Variants in SGMS1 observed in about 807,000 individuals in gnomAD.
The protein encoded by SGMS1 is phosphatidylcholine:ceramide cholinephosphotransferase 1.
A neutral mutation model predicts 46.2 loss-of-function variants in SGMS1; 13 were observed. The ratio of observed to expected loss-of-function variants is 0.28; its 90% CI spans 0.18 to 0.45. SGMS1 has a LOEUF of 0.45. Among genes scored for constraint, SGMS1 ranks in the 20% least tolerant of loss-of-function variants. SGMS1 has a pLI of 1.00. For missense variants in SGMS1, 324 were observed against 519.9 expected (o/e 0.62, Z 3.66); for synonymous variants, 203 against 187.8 (o/e 1.08, Z -0.66).
chr10:50,591,755 C>G (rs1436968937), intron 1 of SGMS1, among the ~76,000 whole-genome samples: 1 of 152,174 alleles, frequency 6.6e-6, no homozygotes, highest in Non-Finnish European at 1.5e-5. Context: ...GCAAAATACA[C>G]TAGAATATAA....
Position 50,311,398 on chromosome 10 carries a change from T to G in SGMS1, c.759A>C (p.Glu253Asp), listed in dbSNP as rs765032191. 76 of 1,613,486 alleles carry G rather than the reference T, an allele frequency of 4.7e-5. No homozygotes were observed. The highest frequency in any genetic ancestry group is 6.4e-5 in the Non-Finnish European group (75 of 1,179,814). The change falls in exon 9 of 11, where the codon GAA becomes GAC. Residue 253 changes from glutamate to aspartate, a missense_variant. Around this residue, in one of 2 missense-constraint regions of SGMS1, gnomAD observed 174 missense variants for 350.1 expected, o/e 0.50. Coordinates refer to ENST00000361781, the MANE Select transcript of SGMS1 (RefSeq NM_147156.4). ...GCTTCATTATTCTTCGCAGTTGGGCTTCCCAGTCTCCGAAAAGCTGGCAGA... is the reference window on the plus strand; with the variant it reads ...GCTTCATTATTCTTCGCAGTTGGGCGTCCCAGTCTCCGAAAAGCTGGCAGA... ...NCSPKLFGDWEAQLRRIMKLI... is the reference protein window; with the variant it reads ...NCSPKLFGDWDAQLRRIMKLI...
At chr10:50,487,985 TTTTATTTA>T (rs3054268) in intron 3 of SGMS1, among the ~76,000 whole-genome samples, 23,445 of 138,848 alleles carry the variant, frequency 0.17, 2,257 homozygotes, top group Non-Finnish European at 0.22. Context: ...TTTGTTTTTA[TTTTATTTA>T]TTTATTTATT....
intron 2 of SGMS1, among the ~76,000 whole-genome samples, chr10:50,564,035 TAAC>T (rs1348422634): frequency 6.6e-6 from 1 of 152,294 alleles, no homozygotes; most frequent in South Asian, 2.1e-4. Context: ...GCCTCCCCTC[TAAC>T]CTGATGTTAA....
At chr10:50,433,255 C>T (rs1371757642) in intron 6 of SGMS1, among the ~76,000 whole-genome samples, 1 of 152,216 alleles carries the variant, frequency 6.6e-6, no homozygotes, top group African/African-American at 2.4e-5. Context: ...CAAATTGACA[C>T]ACTCAACTTA....
At chr10:50,553,563 C>T (rs1033054598) in intron 2 of SGMS1, among the ~76,000 whole-genome samples, 44 of 152,130 alleles carry the variant, frequency 2.9e-4, no homozygotes, top group African/African-American at 1.0e-3. Flanking sequence ...TTCAGTTTGA[C>T]AAATTATAAA....
At chr10:50,363,210 C>T (rs995661037) in intron 6 of SGMS1, among the ~76,000 whole-genome samples, 2 of 151,848 alleles carry the variant, frequency 1.3e-5, no homozygotes, top group Admixed American at 6.6e-5. Context: ...TCAAAACAGT[C>T]GAAGAGAACA....
intron 3 of SGMS1, among the ~76,000 whole-genome samples, chr10:50,480,680 C>A (rs1837468472): frequency 6.6e-6 from 1 of 152,160 alleles, no homozygotes; most frequent in Non-Finnish European, 1.5e-5. Flanking sequence ...CCTTGAGTCC[C>A]AAACACAGAG....
Position 50,445,662 on chromosome 10 carries a change from T to G in SGMS1, c.-312-12106A>C, listed in dbSNP as rs187836921. ...TCTTAATCCCGTCATCTTCGTAAAC[T>G]GAGGATGAATGTCACCTCAGGACCC... is the stretch of plus-strand genomic sequence containing the variant. On this transcript the variant is annotated intron_variant, in intron 5 of 10. Coordinates refer to ENST00000361781, the MANE Select transcript of SGMS1 (RefSeq NM_147156.4). Among the ~76,000 whole-genome samples the G allele has an allele frequency of 4.6e-5, 7 of 152,316 alleles. No individual in the cohort carries two copies. In the East Asian group the frequency reaches 7.7e-4, roughly 17 times the overall value.
intron 2 of SGMS1, among the ~76,000 whole-genome samples, chr10:50,565,294 AT>A (rs1162334714): frequency 7.2e-5 from 11 of 152,168 alleles, no homozygotes; most frequent in African/African-American, 2.4e-4. Flanking sequence ...AAAATAAAAA[AT>A]ATATATTTTT....
intron 6 of SGMS1, among the ~76,000 whole-genome samples, chr10:50,376,647 T>C (rs1848526184): frequency 6.6e-6 from 1 of 152,190 alleles, no homozygotes; most frequent in Admixed American, 6.5e-5. Context: ...GTGTTCTCAT[T>C]GTTCAATTCC....
At chr10:50,403,632 C>A (rs1469775368) in intron 6 of SGMS1, among the ~76,000 whole-genome samples, 1 of 151,816 alleles carries the variant, frequency 6.6e-6, no homozygotes, top group Non-Finnish European at 1.5e-5. Context: ...ATGATCTCAT[C>A]ATGTGGCTAA....
At chr10:50,526,038 C>T (rs2133795924) in intron 2 of SGMS1, among the ~76,000 whole-genome samples, 1 of 152,230 alleles carries the variant, frequency 6.6e-6, no homozygotes, top group Non-Finnish European at 1.5e-5. Flanking sequence ...AAAAGTCACT[C>T]AGGGAGGCCT....
chr10:50,381,075 T>C (rs1848597032), intron 6 of SGMS1, among the ~76,000 whole-genome samples: 1 of 151,724 alleles, frequency 6.6e-6, no homozygotes, highest in East Asian at 1.9e-4. Context: ...GTGATCCTCC[T>C]GTCTCAGCCT....
chr10:50,319,028 C>T (rs1002002175), intron 8 of SGMS1, among the ~76,000 whole-genome samples: 1 of 152,050 alleles, frequency 6.6e-6, no homozygotes, highest in African/African-American at 2.4e-5. Context: ...ATTTCTATTA[C>T]CCATATTCTT....
Position 50,518,587 on chromosome 10 carries a change from C to T in SGMS1, c.-498+1244G>A, listed in dbSNP as rs377016504. 1.3e-3 allele frequency among the ~76,000 whole-genome samples: 191 copies of T among 152,110 alleles called. 2 individuals carry two copies. The highest frequency in any genetic ancestry group is 4.0e-3 in the African/African-American group (168 of 41,500). Reference sequence around the variant, plus strand: ...GATTACAGGCACGTGCCACCATTCCCGGCTAATTTTTATATTTTTAGTAAA... The same window carrying T: ...GATTACAGGCACGTGCCACCATTCCTGGCTAATTTTTATATTTTTAGTAAA... On this transcript the variant is annotated intron_variant, in intron 3 of 10. Coordinates refer to ENST00000361781, the MANE Select transcript of SGMS1 (RefSeq NM_147156.4).
chr10:50,533,185 A>T (rs980410907), intron 2 of SGMS1, among the ~76,000 whole-genome samples: 20 of 152,242 alleles, frequency 1.3e-4, no homozygotes, highest in African/African-American at 3.9e-4. Context: ...CTATTATACA[A>T]GTATTGCAAT....
At chr10:50,560,392 T>A (rs1838225788) in intron 2 of SGMS1, among the ~76,000 whole-genome samples, 1 of 138,612 alleles carries the variant, frequency 7.2e-6, no homozygotes, top group Non-Finnish European at 1.5e-5. Context: ...ATATAATATA[T>A]GCATATATTA....
At chr10:50,570,006 G>A (rs1838323410) in intron 2 of SGMS1, among the ~76,000 whole-genome samples, 1 of 152,122 alleles carries the variant, frequency 6.6e-6, no homozygotes, top group South Asian at 2.1e-4. Context: ...GACCTTCTAG[G>A]AATTTATGGT....
At chr10:50,356,432 G>A (rs1848149523) in intron 6 of SGMS1, among the ~76,000 whole-genome samples, 1 of 152,074 alleles carries the variant, frequency 6.6e-6, no homozygotes, top group Admixed American at 6.5e-5. Flanking sequence ...AAGGCGGAAG[G>A]CGGCAGGGCC....
Sources: allele counts gnomAD v4.1 joint callset (sites outside exome capture counted in the v4.1 genomes callset), GRCh38; gene constraint gnomAD v4.1.1; regional missense constraint gnomAD v4.1.1; transcripts MANE v1.5; gene names NCBI Gene and HGNC (gene_info 2026-07-23, HGNC 2026-07-21).